SCUBE1: variants seen among roughly 807,000 people sequenced by gnomAD.
SCUBE1 encodes signal peptide, CUB and EGF-like domain-containing protein 1.
A neutral mutation model predicts 124.4 loss-of-function variants in SCUBE1; 59 were observed. The observed-to-expected ratio is 0.47, with a 90% CI of 0.38 to 0.59. The LOEUF (loss-of-function observed/expected upper bound fraction) is 0.59. SCUBE1 is among the 20% of genes least tolerant of loss of function. SCUBE1 has a pLI of 0.00. For missense variants in SCUBE1, 1,150 were observed against 1,371.2 expected (o/e 0.84, Z 2.55); for synonymous variants, 545 against 550.9 (o/e 0.99, Z 0.15).
chr22:43,255,404 CAT>C lies in SCUBE1; in HGVS notation c.727+2813_727+2814del. The C allele has an allele frequency of 8.4e-7, 1 of 1,187,896 alleles. No individual in the cohort carries two copies. 73.6% of individuals were successfully genotyped at this position (1,187,896 alleles called of 1,614,324 possible). ...CACAGCACACACACGCCCATGTCCA[CAT>C]GCCAGTGCGCACCCGAGACACACAT... On this transcript the variant is annotated intron_variant, in intron 6 of 21. Transcript: ENST00000360835. The surrounding 1 kb of genome is among the most constrained non-coding windows in gnomAD (Gnocchi z 4.7).
chr22:43,246,345 T>C (rs1003301134), intron 6 of SCUBE1, among the ~76,000 whole-genome samples: 1 of 151,994 alleles, frequency 6.6e-6, no homozygotes, highest in African/African-American at 2.4e-5. Flanking sequence ...AGGGTTGAGA[T>C]GCGGTAAGGG....
chr22:43,208,089 G>T lies in SCUBE1; in HGVS notation c.2717C>A (p.Pro906His). 6.2e-7 allele frequency: 1 copy of T among 1,614,122 alleles called. No individual in the cohort carries two copies. Among genetic ancestry groups the T allele is most frequent in the African/African-American group, 1.3e-5 (1 of 75,050 alleles). Residue 906 changes from proline to histidine, a missense_variant, in exon 20 of 22, where the codon CCC becomes CAC. Coordinates refer to ENST00000360835, the MANE Select transcript of SCUBE1 (RefSeq NM_173050.5). Reference sequence around the variant, plus strand: ...GATCTTACCATCGTAGGTGACATAGGGCACTTGGAAGCCTTTGCCGCTGTT... The same window carrying T: ...GATCTTACCATCGTAGGTGACATAGTGCACTTGGAAGCCTTTGCCGCTGTT... Reference protein sequence around the residue: ...EGNSGKGFQVPYVTYDEDYQQ... With the variant: ...EGNSGKGFQVHYVTYDEDYQQ...
chr22:43,279,352 T>C (rs1924667406), intron 4 of SCUBE1, among the ~76,000 whole-genome samples: 1 of 152,176 alleles, frequency 6.6e-6, no homozygotes, highest in Non-Finnish European at 1.5e-5. Flanking sequence ...GTGCATATGC[T>C]GTGCAGGGCC....
chr22:43,320,312 A>C (rs963575468), intron 2 of SCUBE1, among the ~76,000 whole-genome samples: 11 of 152,110 alleles, frequency 7.2e-5, no homozygotes, highest in Non-Finnish European at 1.3e-4. Context: ...GCCAGTGTAC[A>C]ATTTCTGAAA....
Position 43,343,304 on chromosome 22 carries a change from G to T in SCUBE1, c.-43C>A. On this transcript the variant is annotated 5_prime_UTR_variant, in exon 1 of 22. Transcript: ENST00000360835. ...CTGGGCGTGCGGGCGTGCGGGGCGCGGGGACCCGACCGACCGGCCGCTCCC... is the reference window on the plus strand; with the variant it reads ...CTGGGCGTGCGGGCGTGCGGGGCGCTGGGACCCGACCGACCGGCCGCTCCC... The T allele has an allele frequency of 2.0e-6, 2 of 987,248 alleles. No individual in the cohort carries two copies. Among genetic ancestry groups the T allele is most frequent in the South Asian group, 4.7e-5 (1 of 21,260 alleles). 61.2% of individuals were successfully genotyped at this position (987,248 alleles called of 1,614,324 possible).
At chr22:43,301,389 C>A (rs1370314198) in intron 3 of SCUBE1, among the ~76,000 whole-genome samples, 1 of 152,182 alleles carries the variant, frequency 6.6e-6, no homozygotes, top group African/African-American at 2.4e-5. Context: ...TGCCCACGTC[C>A]CCCCGGGCTC....
At chr22:43,330,655 CAG>C (rs1398835241) in intron 2 of SCUBE1, among the ~76,000 whole-genome samples, 2 of 152,228 alleles carry the variant, frequency 1.3e-5, no homozygotes, top group Non-Finnish European at 2.9e-5. Flanking sequence ...AACTGAGGCT[CAG>C]GGGTGAACTT....
In SCUBE1 at chr22:43,207,946, T is replaced by G. The variant is rs562183878; in HGVS notation, c.2734+126A>C. ...TGGCTCTGGCCCCTGACAGTGTTCG[T>G]TCTGCTTCCAGGTCTGTACCTGCCA... On this transcript the variant is annotated intron_variant, in intron 20 of 21. Coordinates refer to ENST00000360835, the MANE Select transcript of SCUBE1 (RefSeq NM_173050.5). 2.7e-6 allele frequency: 3 copies of G among 1,111,190 alleles called. No individual in the cohort carries two copies. In the South Asian group the frequency reaches 4.1e-5, roughly 15 times the overall value. The allele number at this position is 1,111,190 out of a possible 1,614,324, so 68.8% of individuals were successfully genotyped here. A position where few individuals can be genotyped will look rare whatever the true frequency, so the allele number is the denominator to read the frequency against.
At chr22:43,218,974 T>C (rs1921961867) in intron 14 of SCUBE1, among the ~76,000 whole-genome samples, 1 of 152,236 alleles carries the variant, frequency 6.6e-6, no homozygotes, top group African/African-American at 2.4e-5. Flanking sequence ...CCTTTGCCTA[T>C]TCTATTCCCT....
At chr22:43,221,802 G>A (rs1030697685) in intron 12 of SCUBE1, among the ~76,000 whole-genome samples, 1 of 152,140 alleles carries the variant, frequency 6.6e-6, no homozygotes, top group Non-Finnish European at 1.5e-5. Context: ...GGTGGCTCAC[G>A]CCTGTAATCC....
chr22:43,262,533 A>G (rs1196173747), intron 5 of SCUBE1, among the ~76,000 whole-genome samples, 187 bp downstream of exon 5: 2 of 152,122 alleles, frequency 1.3e-5, no homozygotes, highest in Admixed American at 1.3e-4. Flanking sequence ...GGAAAACCCC[A>G]AGGCTAGGGT....
chr22:43,222,140 A>T (rs1316679615), intron 12 of SCUBE1, among the ~76,000 whole-genome samples: 3 of 152,216 alleles, frequency 2.0e-5, no homozygotes, highest in Non-Finnish European at 4.4e-5. Flanking sequence ...GAATAAGAAA[A>T]GCTGCTGAAG....
At chr22:43,205,816 A>C (rs1056587552) in intron 21 of SCUBE1, among the ~76,000 whole-genome samples, 22 of 13,000 alleles carry the variant, frequency 1.7e-3, no homozygotes, top group Non-Finnish European at 2.3e-3. Flanking sequence ...ACACCCACTC[A>C]CCACTCACCC....
At chr22:43,333,845 A>T (rs1926977749) in intron 2 of SCUBE1, among the ~76,000 whole-genome samples, 1 of 152,214 alleles carries the variant, frequency 6.6e-6, no homozygotes. Flanking sequence ...AATGGAAGGC[A>T]TAGTCCCTAT....
intron 1 of SCUBE1, among the ~76,000 whole-genome samples, chr22:43,339,482 A>G (rs1927196044): frequency 6.6e-6 from 1 of 151,908 alleles, no homozygotes; most frequent in South Asian, 2.1e-4. Flanking sequence ...CAACCATCCC[A>G]TTGAGCTATT....
intron 4 of SCUBE1, among the ~76,000 whole-genome samples, chr22:43,284,920 G>A (rs1925076975): frequency 6.6e-6 from 1 of 152,122 alleles, no homozygotes; most frequent in African/African-American, 2.4e-5. Context: ...CAGTGGGCTC[G>A]AGACCCACGA....
At chr22:43,285,134 G>A (rs151293011) in intron 4 of SCUBE1, among the ~76,000 whole-genome samples, 4 of 152,266 alleles carry the variant, frequency 2.6e-5, no homozygotes, top group Admixed American at 6.5e-5. Context: ...TTCTGTGCAC[G>A]TGGCCTCATT....
At chr22:43,294,554 G>A (rs1394991227) in intron 3 of SCUBE1, among the ~76,000 whole-genome samples, 1 of 152,220 alleles carries the variant, frequency 6.6e-6, no homozygotes, top group Non-Finnish European at 1.5e-5. Context: ...TATTATGAGA[G>A]GTGTCCTCAT....
intron 2 of SCUBE1, among the ~76,000 whole-genome samples, chr22:43,332,327 G>A (rs1159320778): frequency 1.3e-5 from 2 of 152,044 alleles, no homozygotes; most frequent in African/African-American, 4.8e-5. Context: ...CCAACACAGC[G>A]AGGCCCCAAC....
Sources: allele counts gnomAD v4.1 joint callset (sites outside exome capture counted in the v4.1 genomes callset), GRCh38; gene constraint gnomAD v4.1.1; non-coding constraint Gnocchi (gnomAD v3.1); transcripts MANE v1.5; gene names NCBI Gene and HGNC (gene_info 2026-07-23, HGNC 2026-07-21).